Variants in ARHGAP29 observed in about 807,000 individuals in gnomAD.
The protein encoded by ARHGAP29 is Rho GTPase activating protein 29, also known as rho GTPase-activating protein 29.
ARHGAP29 carries 43 observed loss-of-function variants against 122.6 expected under a neutral mutation model. The ratio of observed to expected loss-of-function variants is 0.35; its 90% CI spans 0.27 to 0.45. The LOEUF (loss-of-function observed/expected upper bound fraction) is 0.45, where lower values mean the gene tolerates loss of function less well. Among genes scored for constraint, ARHGAP29 ranks in the 20% least tolerant of loss-of-function variants. The pLI, the probability that ARHGAP29 is intolerant of heterozygous loss-of-function variation, is 1.00. For missense variants in ARHGAP29, 1,303 were observed against 1,477.2 expected (o/e 0.88, Z 1.93); for synonymous variants, 506 against 497.1 (o/e 1.02, Z -0.24).
the ARHGAP29 span, among the ~76,000 whole-genome samples, chr1:94,306,071 A>G: frequency 6.6e-6 from 1 of 152,266 alleles, no homozygotes; most frequent in South Asian, 2.1e-4. Context: ...TGAAAACAGC[A>G]GTCACATACC....
intron 5 of ARHGAP29, among the ~76,000 whole-genome samples, chr1:94,206,180 C>T (rs1651174641): frequency 6.6e-6 from 1 of 152,138 alleles, no homozygotes; most frequent in Non-Finnish European, 1.5e-5. Flanking sequence ...TAGCTAATAG[C>T]TCCATGTAGC....
intron 12 of ARHGAP29, among the ~76,000 whole-genome samples, chr1:94,199,364 T>A (rs1650693810): frequency 6.6e-6 from 1 of 152,234 alleles, no homozygotes; most frequent in South Asian, 2.1e-4. Flanking sequence ...CATAGTGTTT[T>A]CAACAAATGG....
the ARHGAP29 span, among the ~76,000 whole-genome samples, chr1:94,313,327 A>G: frequency 3.3e-5 from 5 of 152,142 alleles, no homozygotes; most frequent in Admixed American, 1.3e-4. Flanking sequence ...TTCCCTGACT[A>G]AGAAACAAGA....
chr1:94,194,887 ACAAT>A (rs1352786827), intron 12 of ARHGAP29: 1 of 152,220 alleles, frequency 6.6e-6, no homozygotes, highest in Non-Finnish European at 1.5e-5. Flanking sequence ...TATGACATAA[ACAAT>A]CAAACACATT....
intron 1 of ARHGAP29, among the ~76,000 whole-genome samples, chr1:94,264,586 C>A (rs1654689170): frequency 1.3e-5 from 2 of 152,128 alleles, no homozygotes. Context: ...GGAGTCCCAT[C>A]CTATGTTCTG....
At chr1:94,232,193 A>G (rs10782980) in intron 1 of ARHGAP29, among the ~76,000 whole-genome samples, 47,339 of 151,932 alleles carry the variant, frequency 0.31, 7,633 homozygotes, top group South Asian at 0.4. Flanking sequence ...TGTATGATCT[A>G]TTCATCTCTT....
chr1:94,285,886 A>G, the ARHGAP29 span, among the ~76,000 whole-genome samples: 3 of 151,544 alleles, frequency 2.0e-5, no homozygotes, highest in Admixed American at 6.6e-5. Context: ...AAAAAAAAAA[A>G]AAAAGAAAAA....
At chr1:94,285,008 G>A in the ARHGAP29 span, among the ~76,000 whole-genome samples, 2 of 152,162 alleles carry the variant, frequency 1.3e-5, no homozygotes, top group East Asian at 1.9e-4. Flanking sequence ...GGCTTAGAGT[G>A]CATTAGCTTT....
chr1:94,250,245 AGGAG>A lies in ARHGAP29; in HGVS notation c.-32-18606_-32-18603del, dbSNP rs1236688265. The A allele has an allele frequency of 2.0e-5, 3 of 152,324 alleles. 1 individual carries two copies. The East Asian group carries it at 5.8e-4, about 29-fold the overall frequency. 9.4% of individuals were successfully genotyped at this position (152,324 alleles called of 1,614,324 possible). On this transcript the variant is annotated intron_variant and NMD_transcript_variant, in intron 1 of 25. Transcript: ENST00000552844. ...GCCACACTTCAACAGCAGTCTGTTT[AGGAG>A]GGACCCACATTGTCCATCATGTCTG...
chr1:94,191,220 C>T lies in ARHGAP29; in HGVS notation c.1282-1137G>A, dbSNP rs184131663. Reference sequence around the variant, plus strand: ...CAGGAAGCTGGTGGAGCATTTTACACAAAGCTGTAACATGATCTGATTTAT... The same window carrying T: ...CAGGAAGCTGGTGGAGCATTTTACATAAAGCTGTAACATGATCTGATTTAT... On this transcript the variant is annotated intron_variant, in intron 12 of 22. Coordinates refer to ENST00000260526, the MANE Select transcript of ARHGAP29 (RefSeq NM_004815.4). 8.5e-5 allele frequency: 13 copies of T among 152,272 alleles called. No homozygotes were observed. The South Asian group carries it at 1.2e-3, about 15-fold the overall frequency. 9.4% of individuals were successfully genotyped at this position (152,272 alleles called of 1,614,324 possible).
chr1:94,239,153 A>G (rs1653475871), upstream of ARHGAP29, among the ~76,000 whole-genome samples: 1 of 152,178 alleles, frequency 6.6e-6, no homozygotes, highest in Non-Finnish European at 1.5e-5. Context: ...GACTCTCACC[A>G]TGGAAGCCAA....
the ARHGAP29 span, among the ~76,000 whole-genome samples, chr1:94,287,472 C>G: frequency 6.6e-6 from 1 of 152,136 alleles, no homozygotes; most frequent in South Asian, 2.1e-4. Flanking sequence ...CCATCTGGAA[C>G]TGTGAGTCAA....
chr1:94,291,498 T>C, the ARHGAP29 span, among the ~76,000 whole-genome samples: 1 of 152,226 alleles, frequency 6.6e-6, no homozygotes, highest in Non-Finnish European at 1.5e-5. Context: ...GTCATTATGA[T>C]GCTAGCTGGT....
At chr1:94,311,520 G>A in the ARHGAP29 span, among the ~76,000 whole-genome samples, 1 of 152,120 alleles carries the variant, frequency 6.6e-6, no homozygotes, top group African/African-American at 2.4e-5. Context: ...ATGTCTTAAA[G>A]AAGACCATGT....
At chr1:94,233,379 A>T (rs892673566) in intron 1 of ARHGAP29, among the ~76,000 whole-genome samples, 9 of 145,534 alleles carry the variant, frequency 6.2e-5, no homozygotes, top group Non-Finnish European at 1.2e-4. Context: ...AGGGTTCTCT[A>T]ATCAACCCAC....
At chr1:94,302,678 CA>C in the ARHGAP29 span, 2 of 448,458 alleles carry the variant, frequency 4.5e-6, no homozygotes, top group Non-Finnish European at 9.0e-6. Context: ...TGGGCAAGGT[CA>C]TCCCCAAGCC....
intron 2 of ARHGAP29, among the ~76,000 whole-genome samples, chr1:94,228,765 A>T (rs1020881264): frequency 1.3e-5 from 2 of 151,802 alleles, no homozygotes; most frequent in Admixed American, 1.3e-4. Context: ...TGTGGCCATA[A>T]ACCAATCACA....
chr1:94,313,324 A>T, the ARHGAP29 span, among the ~76,000 whole-genome samples: 1 of 152,124 alleles, frequency 6.6e-6, no homozygotes, highest in African/African-American at 2.4e-5. Flanking sequence ...AACTTCCCTG[A>T]CTAAGAAACA....
rs947665078 is a variant in ARHGAP29 at position 94,169,116 on chromosome 1, A to G, written c.*4753T>C. Among the ~76,000 whole-genome samples the G allele has an allele frequency of 6.6e-6, 1 of 152,254 alleles. No individual in the cohort carries two copies. Among genetic ancestry groups the G allele is most frequent in the South Asian group, 2.1e-4 (1 of 4,832 alleles). ...ATTTCATAAATGTCTATGTTTAAAC[A>G]TTCCTGGTAAATATGTATAATCGTA... On this transcript the variant is annotated 3_prime_UTR_variant, in exon 23 of 23. Coordinates refer to ENST00000260526, the MANE Select transcript of ARHGAP29 (RefSeq NM_004815.4).
Sources: gnomAD v4.1 joint callset for allele counts (sites outside exome capture counted in the v4.1 genomes callset) on GRCh38, gnomAD v4.1.1 for gene constraint, MANE v1.5 for transcripts, NCBI Gene and HGNC (gene_info 2026-07-23, HGNC 2026-07-21) for gene names.